Variants in ITGBL1 observed in about 807,000 individuals in gnomAD.
The protein encoded by ITGBL1 is integrin beta-like protein 1.
Under a neutral mutation model 68.5 loss-of-function variants are expected in ITGBL1, and 51 were observed. The ratio of observed to expected loss-of-function variants is 0.74; its 90% confidence interval spans 0.59 to 0.94. The LOEUF is 0.94. Ranked by LOEUF, ITGBL1 falls within the 40% of genes least tolerant of loss-of-function variation. The pLI is 0.00. For synonymous variants in ITGBL1, 209 were observed against 227.3 expected (o/e 0.92, Z 0.72); for missense variants, 649 against 647.4 (o/e 1.00, Z -0.03).
chr13:101,711,674 C>T (rs1470487039), intron 9 of ITGBL1: 1 of 152,212 alleles, frequency 6.6e-6, no homozygotes, highest in East Asian at 1.9e-4. Context: ...CTTCCATTCT[C>T]ATCTTTGAAG....
At chr13:101,678,740 A>T (rs1007546826) in intron 7 of ITGBL1, among the ~76,000 whole-genome samples, 1 of 151,724 alleles carries the variant, frequency 6.6e-6, no homozygotes, top group Admixed American at 6.6e-5. Context: ...ACCTCAGGTG[A>T]TCCACTGCTT....
rs950269314 is a variant in ITGBL1 at position 101,647,239 on chromosome 13, A to G, written c.1016-45346A>G. On this transcript the variant is annotated intron_variant, in intron 7 of 10. Coordinates refer to ENST00000376180, the MANE Select transcript of ITGBL1 (RefSeq NM_004791.3). The stretch of plus-strand genomic sequence containing the variant: ...TTTACCACAATTATAGAAATTAATT[A>G]ACCTCAAGCAAGTAATTCAGTAGTA... Among the ~76,000 whole-genome samples, 6 of 152,330 alleles carry G rather than the reference A, an allele frequency of 3.9e-5. No homozygotes were observed. In the South Asian group the frequency reaches 1.0e-3, roughly 26 times the overall value.
intron 2 of ITGBL1, among the ~76,000 whole-genome samples, chr13:101,456,210 A>C (rs1392137423): frequency 6.6e-6 from 1 of 152,150 alleles, no homozygotes; most frequent in Non-Finnish European, 1.5e-5. Context: ...TTTAATACTG[A>C]ATGGAATAAT....
At chr13:101,674,577 C>T (rs905126035) in intron 7 of ITGBL1, among the ~76,000 whole-genome samples, 1 of 151,930 alleles carries the variant, frequency 6.6e-6, no homozygotes, top group Non-Finnish European at 1.5e-5. Context: ...TAAATATTGT[C>T]TAATATAGAG....
At chr13:101,515,794 T>C (rs924877051) in intron 2 of ITGBL1, among the ~76,000 whole-genome samples, 1 of 152,122 alleles carries the variant, frequency 6.6e-6, no homozygotes, top group African/African-American at 2.4e-5. Flanking sequence ...ATCAGATTGA[T>C]CTTCTCTGCG....
At chr13:101,509,231 C>G (rs914364723) in intron 2 of ITGBL1, among the ~76,000 whole-genome samples, 1 of 152,060 alleles carries the variant, frequency 6.6e-6, no homozygotes, top group East Asian at 1.9e-4. Flanking sequence ...TTTAAACCAT[C>G]AGATCTCATG....
At chr13:101,524,005 G>A (rs1469654831) in intron 2 of ITGBL1, among the ~76,000 whole-genome samples, 1 of 152,178 alleles carries the variant, frequency 6.6e-6, no homozygotes. Flanking sequence ...CTGGCCAAAT[G>A]AGTAGTCATT....
chr13:101,615,313 C>A (rs2031307649), intron 7 of ITGBL1, among the ~76,000 whole-genome samples: 1 of 152,102 alleles, frequency 6.6e-6, no homozygotes, highest in South Asian at 2.1e-4. Flanking sequence ...TGCAAAGACC[C>A]TATTTCCAAA....
At chr13:101,515,223 A>G (rs984447180) in intron 2 of ITGBL1, among the ~76,000 whole-genome samples, 2 of 152,080 alleles carry the variant, frequency 1.3e-5, no homozygotes, top group South Asian at 4.1e-4. Flanking sequence ...CTGGATGTAA[A>G]TCCATTATTT....
intron 2 of ITGBL1, among the ~76,000 whole-genome samples, chr13:101,554,467 T>C (rs1245694283): frequency 6.6e-6 from 1 of 152,206 alleles, no homozygotes. Context: ...ATGTGGTCAA[T>C]GGTGGGCAGT....
At chr13:101,719,066 A>G (rs1430657246), downstream of ITGBL1, 1 of 152,140 alleles carries the variant, frequency 6.6e-6, no homozygotes, top group East Asian at 1.9e-4. Flanking sequence ...AATTATTTTC[A>G]TCTTGTTCTC....
At chr13:101,589,160 C>T (rs2050608951) in intron 6 of ITGBL1, among the ~76,000 whole-genome samples, 4 of 152,172 alleles carry the variant, frequency 2.6e-5, no homozygotes, top group Non-Finnish European at 5.9e-5. Flanking sequence ...TGTTTCAACT[C>T]TGTCAATTAA....
intron 7 of ITGBL1, among the ~76,000 whole-genome samples, chr13:101,621,281 C>T (rs976327580): frequency 6.6e-5 from 10 of 152,158 alleles, no homozygotes; most frequent in African/African-American, 2.4e-4. Context: ...ACATGTACCA[C>T]TTCATCAGCT....
intron 4 of ITGBL1, among the ~76,000 whole-genome samples, chr13:101,576,347 C>T (rs527792191): frequency 7.2e-4 from 109 of 152,290 alleles, no homozygotes; most frequent in African/African-American, 2.5e-3. Flanking sequence ...AGAGGAGTCT[C>T]TCCTCACCAC....
intron 9 of ITGBL1, chr13:101,712,338 A>T (rs959662196): frequency 2.0e-5 from 3 of 152,154 alleles, no homozygotes; most frequent in Admixed American, 6.5e-5. Context: ...TCAGAACTGG[A>T]ATTTACTCAT....
chr13:101,535,611 T>C (rs921273033), intron 2 of ITGBL1, among the ~76,000 whole-genome samples: 1 of 152,108 alleles, frequency 6.6e-6, no homozygotes, highest in African/African-American at 2.4e-5. Context: ...TCAGACTCTT[T>C]CCTTAAGGAT....
chr13:101,598,425 A>T (rs1312025561), intron 7 of ITGBL1, 126 bp downstream of exon 7: 4 of 700,886 alleles, frequency 5.7e-6, no homozygotes, highest in Admixed American at 3.9e-5. Context: ...TTTGTTTTTT[A>T]TTTTTTTATT....
intron 7 of ITGBL1, among the ~76,000 whole-genome samples, chr13:101,605,974 A>G (rs1284140069): frequency 2.7e-5 from 4 of 146,918 alleles, no homozygotes; most frequent in Non-Finnish European, 6.0e-5. Context: ...ATATATATGC[A>G]TATATGTGTA....
At chr13:101,524,276 G>T (rs112075305) in intron 2 of ITGBL1, among the ~76,000 whole-genome samples, 2,786 of 152,004 alleles carry the variant, frequency 0.018, 46 homozygotes, top group Non-Finnish European at 0.026. Context: ...TGCCACTCAT[G>T]ATATGCTTCA....
Sources: allele counts gnomAD v4.1 joint callset (sites outside exome capture counted in the v4.1 genomes callset), GRCh38; gene constraint gnomAD v4.1.1; transcripts MANE v1.5; gene names NCBI Gene and HGNC (gene_info 2026-07-23, HGNC 2026-07-21).